The following ALPK2 variants were observed in gnomAD, a reference collection of about 807,000 sequenced individuals.
ALPK2 encodes the protein alpha kinase 2, also known as alpha-protein kinase 2.
A neutral mutation model predicts 163.1 loss-of-function variants in ALPK2; 127 were observed. The ratio of observed to expected loss-of-function variants is 0.78; its 90% confidence interval spans 0.67 to 0.90. The LOEUF (loss-of-function observed/expected upper bound fraction) is 0.90. Ranked by LOEUF, ALPK2 falls within the 40% of genes least tolerant of loss-of-function variation. The pLI is 0.00. For missense variants in ALPK2, 2,360 were observed against 2,589.6 expected (o/e 0.91, Z 1.92); for synonymous variants, 953 against 959.1 (o/e 0.99, Z 0.12).
In ALPK2 at chr18:58,578,872, A is replaced by G; in HGVS notation, c.1904T>C (p.Met635Thr). 2 of 1,614,142 alleles carry G rather than the reference A, an allele frequency of 1.2e-6. No individual in the cohort carries two copies. Among genetic ancestry groups the G allele is most frequent in the Non-Finnish European group, 1.7e-6 (2 of 1,180,038 alleles). ...EGNTNCKGEG[M>T]QVNTLFETSQ... is the part of the protein sequence containing the mutation. ...TGTTTCAAATAGAGTATTAACTTGC[A>G]TGCCTTCTCCCTTGCAATTTGTGTT... Residue 635 changes from methionine (M) to threonine (T), a missense_variant, in exon 4 of 13, where the codon ATG becomes ACG. Met to Thr is a moderately conservative substitution (Grantham distance 81, BLOSUM62 -1). Coordinates refer to ENST00000361673, the MANE Select transcript of ALPK2 (RefSeq NM_052947.4).
Position 58,537,495 on chromosome 18 carries a change from T to C in ALPK2, c.2692A>G (p.Ile898Val), listed in dbSNP as rs752770812. ...PLFTSTFTLN[I>V]SHTASEGATG... ...GCACCTTCACTAGCTGTGTGTGAAA[T>C]GTTCAAGGTGAAAGTACTGGTAAAA... Residue 898 changes from isoleucine (I) to valine (V), a missense_variant, in exon 5 of 13, where the codon ATT (isoleucine) becomes GTT (valine). Transcript: ENST00000361673. 5 of 1,611,948 alleles carry C rather than the reference T, an allele frequency of 3.1e-6. No individual in the cohort carries two copies. Among genetic ancestry groups the C allele is most frequent in the Middle Eastern group, 1.7e-4 (1 of 6,052 alleles).
intron 4 of ALPK2, 52 bp from the exon 5 acceptor site, chr18:58,538,276 A>G: frequency 2.7e-6 from 4 of 1,496,898 alleles, no homozygotes; most frequent in Non-Finnish European, 3.6e-6. Flanking sequence ...AGAGCCCACA[A>G]TAGGGCATAA....
chr18:58,574,377 A>G lies in ALPK2; in HGVS notation c.1962+4437T>C, dbSNP rs535723610. 6.2e-3 allele frequency among the ~76,000 whole-genome samples: 861 copies of G among 139,618 alleles called. 3 individuals carry two copies. The highest frequency in any genetic ancestry group is 0.022 in the African/African-American group (833 of 37,210). The allele number at this position is 139,618 out of a possible 152,430, so 91.6% of individuals were successfully genotyped here. A position where few individuals can be genotyped will look rare whatever the true frequency, so the allele number is the denominator to read the frequency against. ...GGCAGGAGAACCGCTTGAACCCAGG[A>G]GGCGGAGGTTGCAGTGAGCCAAGAT... On this transcript the variant is annotated intron_variant, in intron 4 of 12. Coordinates refer to ENST00000361673, the MANE Select transcript of ALPK2 (RefSeq NM_052947.4).
chr18:58,501,004 T>G (rs1428727052), intron 11 of ALPK2, among the ~76,000 whole-genome samples: 3 of 152,202 alleles, frequency 2.0e-5, no homozygotes, highest in African/African-American at 7.2e-5. Flanking sequence ...TGATAGAATT[T>G]GAGTTTAATT....
intron 12 of ALPK2, 151 bp from the exon 13 acceptor site, chr18:58,482,190 A>G: frequency 1.6e-6 from 1 of 636,498 alleles, no homozygotes; most frequent in East Asian, 2.7e-5. Context: ...AGACACAACT[A>G]TAAGTGAAGG....
chr18:58,582,531 A>G (rs1016489075), intron 3 of ALPK2, among the ~76,000 whole-genome samples: 26 of 149,434 alleles, frequency 1.7e-4, no homozygotes, highest in African/African-American at 5.9e-4. Flanking sequence ...AAAAATGTCT[A>G]TTGCTGCAGT....
chr18:58,504,363 A>C (rs2051450684), intron 10 of ALPK2, among the ~76,000 whole-genome samples: 1 of 152,216 alleles, frequency 6.6e-6, no homozygotes, highest in Admixed American at 6.5e-5. Flanking sequence ...GAGGGGGTTT[A>C]ATTGCTCATG....
chr18:58,530,264 C>A (rs1309293672), intron 5 of ALPK2, among the ~76,000 whole-genome samples: 1 of 152,182 alleles, frequency 6.6e-6, no homozygotes, highest in African/African-American at 2.4e-5. Context: ...TAATTCTCTA[C>A]CCTGGAAGTG....
At chr18:58,528,300 G>A (rs757659542) in intron 6 of ALPK2, among the ~76,000 whole-genome samples, 18 of 152,192 alleles carry the variant, frequency 1.2e-4, no homozygotes, top group Non-Finnish European at 1.3e-4. Flanking sequence ...GGGAGGCTGA[G>A]GCAGGTGGAT....
At chr18:58,624,726 T>G (rs543833143) in intron 1 of ALPK2, among the ~76,000 whole-genome samples, 1 of 152,210 alleles carries the variant, frequency 6.6e-6, no homozygotes, top group Non-Finnish European at 1.5e-5. Flanking sequence ...AATGCTGGAA[T>G]TAACAGGCAT....
intron 4 of ALPK2, among the ~76,000 whole-genome samples, chr18:58,559,995 G>A (rs2051817610): frequency 6.6e-6 from 1 of 152,068 alleles, no homozygotes; most frequent in Admixed American, 6.5e-5. Context: ...AATCTCACTG[G>A]GCTACAATTA....
At chr18:58,618,372 C>T (rs925046442) in intron 1 of ALPK2, among the ~76,000 whole-genome samples, 3 of 152,180 alleles carry the variant, frequency 2.0e-5, no homozygotes, top group Non-Finnish European at 4.4e-5. Flanking sequence ...AATAGCTACT[C>T]TAAAATGGGC....
chr18:58,555,138 ATCTT>A (rs1334995127), intron 4 of ALPK2, among the ~76,000 whole-genome samples: 3 of 152,222 alleles, frequency 2.0e-5, no homozygotes, highest in East Asian at 3.8e-4. Flanking sequence ...GCCTGGTACA[ATCTT>A]AACACACAAC....
intron 1 of ALPK2, among the ~76,000 whole-genome samples, chr18:58,621,547 A>G (rs1735212333): frequency 2.0e-5 from 3 of 152,336 alleles, no homozygotes; most frequent in South Asian, 2.1e-4. Flanking sequence ...CTGGGATTAC[A>G]GGCGTGAGCC....
chr18:58,562,739 A>G (rs79507336), intron 4 of ALPK2, among the ~76,000 whole-genome samples: 3,304 of 152,326 alleles, frequency 0.022, 65 homozygotes, highest in East Asian at 0.089. Context: ...TCTTCTAGTT[A>G]TGGAAGCTGG....
intron 4 of ALPK2, among the ~76,000 whole-genome samples, chr18:58,562,138 G>A (rs913914435): frequency 3.3e-5 from 5 of 152,166 alleles, no homozygotes; most frequent in Admixed American, 2.0e-4. Context: ...CTCTTTGAGC[G>A]TTATGGGCCA....
At chr18:58,528,201 C>T (rs927891852) in intron 6 of ALPK2, among the ~76,000 whole-genome samples, 2 of 152,314 alleles carry the variant, frequency 1.3e-5, no homozygotes, top group Non-Finnish European at 2.9e-5. Flanking sequence ...GATTCTCACG[C>T]TCATCTCTTG....
chr18:58,527,037 C>T (rs2051588310), intron 6 of ALPK2, among the ~76,000 whole-genome samples: 1 of 151,260 alleles, frequency 6.6e-6, no homozygotes, highest in African/African-American at 2.5e-5. Flanking sequence ...TGTATTTCCG[C>T]ATTCCTTTGC....
intron 12 of ALPK2, among the ~76,000 whole-genome samples, chr18:58,489,797 G>C (rs1038135067): frequency 3.3e-5 from 5 of 151,982 alleles, no homozygotes; most frequent in African/African-American, 9.7e-5. Context: ...CTCCTGGCCG[G>C]GCATGGTGGC....
Sources: allele counts gnomAD v4.1 joint callset (sites outside exome capture counted in the v4.1 genomes callset), GRCh38; gene constraint gnomAD v4.1.1; transcripts MANE v1.5; gene names NCBI Gene and HGNC (gene_info 2026-07-23, HGNC 2026-07-21).